CHRM5: variants seen among roughly 807,000 people sequenced by gnomAD.
The protein encoded by CHRM5 is cholinergic receptor muscarinic 5.
In CHRM5, 18 loss-of-function variants were observed where a neutral mutation model predicts 39.0. The ratio of observed to expected loss-of-function variants is 0.46; its 90% confidence interval spans 0.32 to 0.68. CHRM5 has a LOEUF of 0.68. CHRM5 is among the 30% of genes least tolerant of loss of function. The pLI, the probability that CHRM5 is intolerant of heterozygous loss-of-function variation, is 0.04. For synonymous variants in CHRM5, 241 were observed against 246.3 expected (o/e 0.98, Z 0.20); for missense variants, 515 against 651.1 (o/e 0.79, Z 2.28).
At chr15:33,974,929 A>G (rs1477874105) in intron 1 of CHRM5, among the ~76,000 whole-genome samples, 1 of 152,144 alleles carries the variant, frequency 6.6e-6, no homozygotes, top group Non-Finnish European at 1.5e-5. Context: ...CCAAGATTGC[A>G]CCATTACGCT....
At chr15:33,983,128 CTGTGTGTGTGTGTG>C (rs373285133) in intron 1 of CHRM5, among the ~76,000 whole-genome samples, 1 of 135,266 alleles carries the variant, frequency 7.4e-6, no homozygotes, top group African/African-American at 2.7e-5. Context: ...TGTCCATACT[CTGTGTGTGTGTGTG>C]TGTGTGTGTG....
At position 34,064,429 on chromosome 15, in the gene CHRM5, C is replaced by A; in HGVS notation, c.*113C>A. The stretch of plus-strand genomic sequence containing the variant: ...AAAAGAAGACATCTCATTTTGAGTC[C>A]TTGAAGATTTTTGTAAAGGCTCAAG... On this transcript the variant is annotated 3_prime_UTR_variant, in exon 3 of 3. Transcript: ENST00000383263. 1.5e-6 allele frequency: 2 copies of A among 1,322,178 alleles called. No homozygotes were observed. The highest frequency in any genetic ancestry group is 2.0e-6 in the Non-Finnish European group (2 of 984,176). 81.9% of individuals were successfully genotyped at this position (1,322,178 alleles called of 1,614,324 possible). A position where few individuals can be genotyped will look rare whatever the true frequency, so the allele number is the denominator to read the frequency against.
intron 1 of CHRM5, among the ~76,000 whole-genome samples, chr15:33,978,205 G>A (rs1329601370): frequency 3.9e-5 from 6 of 152,154 alleles, no homozygotes; most frequent in Non-Finnish European, 4.4e-5. Context: ...CAGACTGGCC[G>A]TTCTGAACAA....
chr15:34,033,090 A>G (rs1403224305), intron 1 of CHRM5, among the ~76,000 whole-genome samples: 1 of 152,220 alleles, frequency 6.6e-6, no homozygotes, highest in Non-Finnish European at 1.5e-5. Context: ...AAAATCAAAA[A>G]TTAGGAAAAG....
intron 1 of CHRM5, among the ~76,000 whole-genome samples, chr15:34,029,891 T>C (rs547649474): frequency 6.6e-6 from 1 of 152,322 alleles, no homozygotes; most frequent in East Asian, 1.9e-4. Context: ...AAAATGATGT[T>C]GAAACATTCT....
intron 1 of CHRM5, among the ~76,000 whole-genome samples, chr15:33,995,053 G>A (rs1266444217): frequency 6.6e-6 from 1 of 152,142 alleles, no homozygotes; most frequent in African/African-American, 2.4e-5. Context: ...CTTGAGACCA[G>A]GAATTCAAGA....
At chr15:33,979,641 C>G (rs1896048302) in intron 1 of CHRM5, among the ~76,000 whole-genome samples, 1 of 152,124 alleles carries the variant, frequency 6.6e-6, no homozygotes, top group African/African-American at 2.4e-5. Context: ...AAGATTTGGA[C>G]CAAATGTTAT....
intron 1 of CHRM5, among the ~76,000 whole-genome samples, chr15:33,994,678 G>A (rs1311735285): frequency 2.0e-5 from 3 of 152,174 alleles, no homozygotes; most frequent in Non-Finnish European, 4.4e-5. Flanking sequence ...TACATACAGT[G>A]TGTGTGAAAT....
At chr15:34,008,982 T>C (rs1332516150) in intron 1 of CHRM5, among the ~76,000 whole-genome samples, 9 of 133,934 alleles carry the variant, frequency 6.7e-5, no homozygotes, top group Non-Finnish European at 1.4e-4. Context: ...ACACAGACCA[T>C]CGAGAAAACA....
At chr15:34,024,154 T>C (rs201215845) in intron 1 of CHRM5, among the ~76,000 whole-genome samples, 1 of 84,328 alleles carries the variant, frequency 1.2e-5, no homozygotes, top group Non-Finnish European at 2.0e-5. Context: ...CATTAGTCAG[T>C]GTGCTTGGAT....
At chr15:34,047,014 C>A (rs996601326) in intron 2 of CHRM5, 143 bp downstream of exon 2, 1 of 152,174 alleles carries the variant, frequency 6.6e-6, no homozygotes, top group Non-Finnish European at 1.5e-5. Context: ...TTCAGCAGAG[C>A]AGCCGCTCAG....
chr15:34,062,541 C>T lies in CHRM5; in HGVS notation c.-75-102C>T, dbSNP rs867131170. 40 of 544,670 alleles carry T rather than the reference C, an allele frequency of 7.3e-5. 1 individual carries two copies. Among genetic ancestry groups the T allele is most frequent in the Middle Eastern group, 4.9e-4 (1 of 2,058 alleles). 33.7% of individuals were successfully genotyped at this position (544,670 alleles called of 1,614,324 possible). On this transcript the variant is annotated intron_variant, in intron 2 of 2. Coordinates refer to ENST00000383263, the MANE Select transcript of CHRM5 (RefSeq NM_012125.4). ...CTGCACTCCAGCCTGGGTGACAAAGCGAGATTCTGTCTCAAAAAAAAAAAA... is the reference window on the plus strand; with the variant it reads ...CTGCACTCCAGCCTGGGTGACAAAGTGAGATTCTGTCTCAAAAAAAAAAAA...
At chr15:34,033,648 G>A (rs554713678) in intron 1 of CHRM5, among the ~76,000 whole-genome samples, 1 of 152,136 alleles carries the variant, frequency 6.6e-6, no homozygotes, top group Non-Finnish European at 1.5e-5. Context: ...AGGAAGACAT[G>A]AAATGGTAAC....
chr15:34,004,457 A>G (rs1897255570), intron 1 of CHRM5, among the ~76,000 whole-genome samples: 1 of 152,224 alleles, frequency 6.6e-6, no homozygotes, highest in African/African-American at 2.4e-5. Context: ...TAGGGAACTT[A>G]TTTGTACTGA....
chr15:34,039,930 A>G (rs1463800736), intron 1 of CHRM5, among the ~76,000 whole-genome samples: 1 of 152,194 alleles, frequency 6.6e-6, no homozygotes, highest in East Asian at 1.9e-4. Flanking sequence ...CAAGGAGAAA[A>G]CAGGAAGGGG....
intron 1 of CHRM5, among the ~76,000 whole-genome samples, chr15:33,988,624 C>T (rs1597317972): frequency 1.3e-5 from 2 of 152,148 alleles, no homozygotes; most frequent in South Asian, 4.1e-4. Flanking sequence ...GGCTCATTTA[C>T]ACACACACGT....
At chr15:33,985,447 G>A (rs1478793104) in intron 1 of CHRM5, among the ~76,000 whole-genome samples, 4 of 151,620 alleles carry the variant, frequency 2.6e-5, no homozygotes, top group Non-Finnish European at 4.4e-5. Context: ...TTCAGTAAGA[G>A]TAAGTTCCTT....
At chr15:34,058,555 AACACACACACACACACAC>A (rs3027963) in intron 2 of CHRM5, among the ~76,000 whole-genome samples, 2 of 143,178 alleles carry the variant, frequency 1.4e-5, no homozygotes, top group Admixed American at 7.1e-5. Flanking sequence ...CTTTAATTCT[AACACACACACACACACAC>A]ACACACACAC....
At chr15:34,038,786 G>A (rs1306024319) in intron 1 of CHRM5, 3 of 1,183,328 alleles carry the variant, frequency 2.5e-6, no homozygotes, top group South Asian at 3.6e-5. Context: ...TTACCGGCGC[G>A]CTGGCCCCTG....
Sources: allele counts gnomAD v4.1 joint callset (sites outside exome capture counted in the v4.1 genomes callset), GRCh38; gene constraint gnomAD v4.1.1; transcripts MANE v1.5; gene names NCBI Gene and HGNC (gene_info 2026-07-23, HGNC 2026-07-21).